KIAA1217: variants seen among roughly 807,000 people sequenced by gnomAD.
The protein encoded by KIAA1217 is sickle tail protein homolog.
Under a neutral mutation model 163.9 loss-of-function variants are expected in KIAA1217, and 88 were observed. The ratio of observed to expected loss-of-function variants is 0.54; its 90% CI spans 0.45 to 0.64. The LOEUF (loss-of-function observed/expected upper bound fraction) is 0.64. Among genes scored for constraint, KIAA1217 ranks in the 30% least tolerant of loss-of-function variants. The pLI is 0.00. For missense variants in KIAA1217, 2,372 were observed against 2,475.0 expected (o/e 0.96, Z 0.88); for synonymous variants, 903 against 923.1 (o/e 0.98, Z 0.39).
chr10:24,039,075 C>G (rs1473048738), intron 2 of KIAA1217, among the ~76,000 whole-genome samples: 1 of 152,100 alleles, frequency 6.6e-6, no homozygotes, highest in Non-Finnish European at 1.5e-5. Context: ...CTGGGACCCT[C>G]TCTTGGGCAT....
At chr10:23,847,101 C>T (rs936415390) in intron 1 of KIAA1217, among the ~76,000 whole-genome samples, 1 of 152,014 alleles carries the variant, frequency 6.6e-6, no homozygotes, top group African/African-American at 2.4e-5. Flanking sequence ...GATTGTGGTA[C>T]ATAAGCTTTT....
At chr10:24,047,704 G>T (rs11594456) in intron 2 of KIAA1217, among the ~76,000 whole-genome samples, 3,532 of 152,268 alleles carry the variant, frequency 0.023, 56 homozygotes, top group South Asian at 0.045. Context: ...TATAGCACAT[G>T]TAGATTGAGA....
At chr10:24,345,827 C>T (rs531449872) in intron 2 of KIAA1217, among the ~76,000 whole-genome samples, 115 of 149,942 alleles carry the variant, frequency 7.7e-4, no homozygotes, top group African/African-American at 2.0e-3. Context: ...ATACACATAA[C>T]GTAAAATTAC....
In KIAA1217 at chr10:23,790,628, T is replaced by C. The variant is rs117434193; in HGVS notation, c.-321+95394T>C. 1.2e-3 allele frequency among the ~76,000 whole-genome samples: 121 copies of C among 103,470 alleles called. 14 individuals are homozygous for C. Among genetic ancestry groups the C allele is most frequent in the Admixed American group, 1.7e-3 (16 of 9,474 alleles). 67.9% of individuals were successfully genotyped at this position (103,470 alleles called of 152,430 possible). On this transcript the variant is annotated intron_variant, in intron 1 of 18. Coordinates refer to the KIAA1217 transcript ENST00000376462. ...ATATATACATATGTATATATACATA[T>C]ATATGTACATGTATACATATGTGTA...
chr10:24,293,022 T>C (rs1048033244), intron 2 of KIAA1217, among the ~76,000 whole-genome samples: 2 of 152,066 alleles, frequency 1.3e-5, no homozygotes, highest in Non-Finnish European at 2.9e-5. Context: ...AAATGCATGC[T>C]CGGGAAGTTG....
At chr10:24,464,431 A>G (rs1352669380) in intron 5 of KIAA1217, among the ~76,000 whole-genome samples, 1 of 152,212 alleles carries the variant, frequency 6.6e-6, no homozygotes, top group Non-Finnish European at 1.5e-5. Flanking sequence ...TAACAGGGTC[A>G]ACAGAAGCCA....
intron 2 of KIAA1217, among the ~76,000 whole-genome samples, chr10:24,302,470 C>T (rs2041483156): frequency 6.6e-6 from 1 of 152,150 alleles, no homozygotes; most frequent in Non-Finnish European, 1.5e-5. Flanking sequence ...AGTGAATTAC[C>T]TTTAATTTGG....
rs1026227128 is a variant in KIAA1217 at position 24,158,053 on chromosome 10, A to C, written c.-170-61573A>C. 6 of 755,138 alleles carry C rather than the reference A, an allele frequency of 7.9e-6. No homozygotes were observed. The African/African-American group carries it at 8.6e-5, about 11-fold the overall frequency. The allele number at this position is 755,138 out of a possible 1,614,324, so 46.8% of individuals were successfully genotyped here. ...CTTTACTTGCAGGTGGGTCACCACCACAACCAGTTTTACTAGCTCATAAAG... is the reference window on the plus strand; with the variant it reads ...CTTTACTTGCAGGTGGGTCACCACCCCAACCAGTTTTACTAGCTCATAAAG... On this transcript the variant is annotated intron_variant, in intron 2 of 18. Transcript: ENST00000376462.
intron 2 of KIAA1217, among the ~76,000 whole-genome samples, chr10:24,028,776 G>A (rs999640544): frequency 6.6e-6 from 1 of 152,066 alleles, no homozygotes; most frequent in East Asian, 1.9e-4. Context: ...AAAATCATCT[G>A]AGGAGTACCA....
intron 6 of KIAA1217, among the ~76,000 whole-genome samples, chr10:24,490,907 G>A (rs1328288772): frequency 6.6e-6 from 1 of 152,166 alleles, no homozygotes; most frequent in African/African-American, 2.4e-5. Context: ...CTTCCTCACA[G>A]ATACAAAAAG....
At chr10:24,427,423 A>G (rs900003040) in intron 3 of KIAA1217, among the ~76,000 whole-genome samples, 1 of 152,196 alleles carries the variant, frequency 6.6e-6, no homozygotes. Context: ...TTTCAGGAGA[A>G]GTATGCTTCA....
At chr10:24,533,401 G>A (rs1794795802) in intron 16 of KIAA1217, among the ~76,000 whole-genome samples, 164 bp downstream of exon 16, 2 of 152,224 alleles carry the variant, frequency 1.3e-5, no homozygotes, top group Admixed American at 1.3e-4. Context: ...AGATGGCGCT[G>A]AACAAGGCTC....
chr10:23,994,103 G>A (rs1400515831), intron 1 of KIAA1217, among the ~76,000 whole-genome samples: 1 of 152,168 alleles, frequency 6.6e-6, no homozygotes, highest in East Asian at 1.9e-4. Flanking sequence ...AGAGGAGAAT[G>A]TGAATGATTT....
At chr10:23,882,060 ACAGTTAT>A (rs375796231) in intron 1 of KIAA1217, among the ~76,000 whole-genome samples, 2,919 of 152,090 alleles carry the variant, frequency 0.019, 91 homozygotes, top group African/African-American at 0.064. Flanking sequence ...AAGGAGTTAT[ACAGTTAT>A]ACTTTTGATA....
At chr10:23,852,362 C>T (rs1340686104) in intron 1 of KIAA1217, among the ~76,000 whole-genome samples, 1 of 152,086 alleles carries the variant, frequency 6.6e-6, no homozygotes, top group Non-Finnish European at 1.5e-5. Context: ...CTGTTCTGTT[C>T]CATTGATCTA....
At chr10:24,216,032 A>G (rs1438844825) in intron 1 of KIAA1217, among the ~76,000 whole-genome samples, 1 of 152,174 alleles carries the variant, frequency 6.6e-6, no homozygotes, top group African/African-American at 2.4e-5. Flanking sequence ...AAGCAACTGG[A>G]GATATTTTGG....
chr10:23,795,769 C>G (rs1836170786), intron 1 of KIAA1217, among the ~76,000 whole-genome samples: 1 of 152,094 alleles, frequency 6.6e-6, no homozygotes, highest in Non-Finnish European at 1.5e-5. Flanking sequence ...CCATAGTTCC[C>G]CCTTTTCTGA....
chr10:24,546,296 C>A lies in KIAA1217; in HGVS notation c.5804C>A (p.Thr1935Asn). 1.2e-6 allele frequency: 2 copies of A among 1,607,188 alleles called. No individual in the cohort carries two copies. Among genetic ancestry groups the A allele is most frequent in the East Asian group, 2.2e-5 (1 of 44,804 alleles). The change falls in exon 21 of 21, where the codon ACC (threonine) becomes AAC (asparagine). Residue 1935 changes from threonine (T) to asparagine (N), a missense_variant. Thr to Asn is a moderately conservative substitution (Grantham distance 65). This residue lies in a region of KIAA1217 where 690 missense variants were observed against 677.5 expected (regional missense o/e 1.02). Coordinates refer to ENST00000376454, the MANE Select transcript of KIAA1217 (RefSeq NM_019590.5). ...CAGAATGGAAGTTCAAGCAAAGCCA[C>A]CCCATCCACAGCAAAAGAAACCTCT... ...KAQNGSSSKATPSTAKETS is the reference protein window; with the variant it reads ...KAQNGSSSKANPSTAKETS
intron 1 of KIAA1217, among the ~76,000 whole-genome samples, chr10:23,908,905 A>C (rs1006167268): frequency 6.6e-6 from 1 of 152,168 alleles, no homozygotes; most frequent in Non-Finnish European, 1.5e-5. Context: ...CTTGAGGAAA[A>C]GAAGACATTA....
Sources: gnomAD v4.1 joint callset for allele counts (sites outside exome capture counted in the v4.1 genomes callset) on GRCh38, gnomAD v4.1.1 for gene constraint, gnomAD v4.1.1 regional missense constraint, MANE v1.5 for transcripts, NCBI Gene and HGNC (gene_info 2026-07-23, HGNC 2026-07-21) for gene names.